Variants in IRF8 observed in about 807,000 individuals in gnomAD.
IRF8 encodes interferon regulatory factor 8.
In IRF8, 14 loss-of-function variants were observed where a neutral mutation model predicts 48.7. The ratio of observed to expected loss-of-function variants is 0.29; its 90% CI spans 0.19 to 0.45. The LOEUF (loss-of-function observed/expected upper bound fraction) is 0.45, where lower values mean the gene tolerates loss of function less well. IRF8 is among the 20% of genes least tolerant of loss of function. IRF8 has a pLI of 1.00. For missense variants in IRF8, 493 were observed against 580.7 expected (o/e 0.85, Z 1.55); for synonymous variants, 278 against 227.3 (o/e 1.22, Z -2.01).
At chr16:85,899,266 C>T (rs889340425) in intron 1 of IRF8, 43 bp downstream of exon 1, 4 of 152,172 alleles carry the variant, frequency 2.6e-5, no homozygotes, top group African/African-American at 9.6e-5. Context: ...CCCGCGCGGT[C>T]CGGTCCCGCG....
chr16:85,914,463 TC>T lies in IRF8; in HGVS notation c.554-9del. On this transcript the variant is annotated splice_polypyrimidine_tract_variant and intron_variant, in intron 5 of 8. Coordinates refer to ENST00000268638, the MANE Select transcript of IRF8 (RefSeq NM_002163.4). ...GTGGCTCTGAGCTTGCTTTTCTGTT[TC>T]TCCTGCAGGCGTGCCGCTGGTGACG... The T allele has an allele frequency of 6.2e-7, 1 of 1,614,114 alleles. No homozygotes were observed. The highest frequency in any genetic ancestry group is 8.5e-7 in the Non-Finnish European group (1 of 1,179,992).
chr16:85,916,971 T>C (rs1905329453), intron 6 of IRF8, among the ~76,000 whole-genome samples: 1 of 152,202 alleles, frequency 6.6e-6, no homozygotes, highest in Admixed American at 6.5e-5. Flanking sequence ...CTTCTGCAGC[T>C]CTAGCTTCCT....
intron 1 of IRF8, among the ~76,000 whole-genome samples, chr16:85,900,596 A>G (rs2152097799): frequency 6.6e-6 from 1 of 152,354 alleles, no homozygotes; most frequent in African/African-American, 2.4e-5. Context: ...CATGTGTGAA[A>G]TAAGCTGCCG....
rs142150561 is a variant in IRF8, at chr16:85,903,836, A to G, written c.174+647A>G. 1.2e-3 allele frequency among the ~76,000 whole-genome samples: 187 copies of G among 152,246 alleles called. 1 individual carries two copies. The highest frequency in any genetic ancestry group is 4.2e-3 in the African/African-American group (175 of 41,512). The stretch of plus-strand genomic sequence containing the variant: ...TAGATGCTGTTCCCACCCTCATTCT[A>G]TAGAGGCACTGAGAGGAGAAGTGAC... On this transcript the variant is annotated intron_variant, in intron 2 of 8. Coordinates refer to ENST00000268638, the MANE Select transcript of IRF8 (RefSeq NM_002163.4).
Position 85,921,271 on chromosome 16 carries a change from A to T in IRF8, c.1270A>T (p.Ile424Phe). Reference sequence around the variant, plus strand: ...ATCATTTTTCAGAGAAAACCAACAGATCACCGTCTAAGTGCGTCGCTTGGG... The same window carrying T: ...ATCATTTTTCAGAGAAAACCAACAGTTCACCGTCTAAGTGCGTCGCTTGGG... The part of the protein sequence containing the change: ...QRSFFRENQQ[I>F]TV Residue 424 changes from isoleucine to phenylalanine, a missense_variant, in exon 9 of 9, where the codon ATC becomes TTC. Ile to Phe is a conservative substitution (Grantham distance 21). This residue lies in a region of IRF8 where 408 missense variants were observed against 449.6 expected (regional missense o/e 0.91). Coordinates refer to ENST00000268638, the MANE Select transcript of IRF8 (RefSeq NM_002163.4). 1 of 1,613,918 alleles carries T rather than the reference A, an allele frequency of 6.2e-7. No homozygotes were observed. The highest frequency in any genetic ancestry group is 8.5e-7 in the Non-Finnish European group (1 of 1,180,030).
chr16:85,910,904 G>A (rs760597724), intron 3 of IRF8, among the ~76,000 whole-genome samples: 5 of 152,236 alleles, frequency 3.3e-5, no homozygotes, highest in African/African-American at 1.2e-4. Context: ...GTTGTGATAC[G>A]TCTCACACTG....
At position 85,918,611 on chromosome 16, in the gene IRF8, G is replaced by T; in HGVS notation, c.796G>T (p.Val266Leu). The part of the protein sequence containing the change: ...DAIPSERQRQ[V>L]TRKLFGHLER... ...CATCCCCAGCGAGCGACAGAGGCAGGTGACGCGGAAGCTGTTCGGGCACCT... is the reference window on the plus strand; with the variant it reads ...CATCCCCAGCGAGCGACAGAGGCAGTTGACGCGGAAGCTGTTCGGGCACCT... Residue 266 changes from valine (V) to leucine (L), a missense_variant, in exon 7 of 9, where the codon GTG becomes TTG. Coordinates refer to ENST00000268638, the MANE Select transcript of IRF8 (RefSeq NM_002163.4). 6.2e-7 allele frequency: 1 copy of T among 1,607,672 alleles called. No individual in the cohort carries two copies.
At chr16:85,899,411 A>T in intron 1 of IRF8, among the ~76,000 whole-genome samples, 188 bp downstream of exon 1, 1 of 152,206 alleles carries the variant, frequency 6.6e-6, no homozygotes, top group East Asian at 1.9e-4. Flanking sequence ...CTGAATGCCC[A>T]AGTCGTTGAT....
At chr16:85,902,910 C>A in intron 1 of IRF8, 105 bp from the exon 2 acceptor site, 1 of 1,262,568 alleles carries the variant, frequency 7.9e-7, no homozygotes, top group Non-Finnish European at 1.2e-6. Context: ...CCCAAGCCAG[C>A]ACCTTTGCTG....
At chr16:85,909,253 T>TGA in intron 3 of IRF8, 80 bp downstream of exon 3, 1 of 1,154,786 alleles carries the variant, frequency 8.7e-7, no homozygotes, top group Non-Finnish European at 1.3e-6. Context: ...GGGTCTGGGG[T>TGA]AGACACAGGG....
At chr16:85,907,221 A>G (rs1248973565) in intron 2 of IRF8, among the ~76,000 whole-genome samples, 1 of 152,234 alleles carries the variant, frequency 6.6e-6, no homozygotes, top group Non-Finnish European at 1.5e-5. Context: ...TTGCATCAAC[A>G]AAGTAGGCAG....
Position 85,911,616 on chromosome 16 carries a change from G to A in IRF8, c.405G>A (p.Glu135=), listed in dbSNP as rs1447494340. The change falls in exon 4 of 9, where the codon GAG becomes GAA. Residue 135 remains glutamate (E), a synonymous_variant. Transcript: ENST00000268638. ...CTGGCTGCGTGAATGAAGTTACAGA[G>A]ATGGAGTGCGGTCGCTCTGAAATCG... ...ATAGCVNEVT[E]MECGRSEIDE... 1 of 1,614,074 alleles carries A rather than the reference G, an allele frequency of 6.2e-7. No individual in the cohort carries two copies. Among genetic ancestry groups the A allele is most frequent in the African/African-American group, 1.3e-5 (1 of 74,946 alleles).
intron 6 of IRF8, 119 bp downstream of exon 6, chr16:85,914,639 T>G: frequency 8.6e-7 from 1 of 1,157,820 alleles, no homozygotes; most frequent in Non-Finnish European, 1.3e-6. Flanking sequence ...AGTCTAGGCC[T>G]GGTTCCAAGG....
chr16:85,909,431 C>T, intron 3 of IRF8: 1 of 504,402 alleles, frequency 2.0e-6, no homozygotes, highest in East Asian at 3.7e-5. Context: ...CCTCCCTGGA[C>T]AGGAACAAGC....
intron 7 of IRF8, among the ~76,000 whole-genome samples, chr16:85,919,855 G>C (rs560733231): frequency 1.0e-4 from 16 of 152,382 alleles, no homozygotes; most frequent in African/African-American, 3.8e-4. Flanking sequence ...TGAGAGATAA[G>C]AGAGAGCACT....
At chr16:85,901,403 G>A (rs1291049942) in intron 1 of IRF8, among the ~76,000 whole-genome samples, 2 of 152,096 alleles carry the variant, frequency 1.3e-5, no homozygotes, top group Non-Finnish European at 2.9e-5. Context: ...GATGTGGGAG[G>A]ATCACTTGAG....
chr16:85,907,692 C>G (rs1323746431), intron 2 of IRF8, among the ~76,000 whole-genome samples: 1 of 152,006 alleles, frequency 6.6e-6, no homozygotes, highest in Non-Finnish European at 1.5e-5. Flanking sequence ...AATAAAAAAA[C>G]TAAAATAAAT....
chr16:85,921,302 C>T lies in IRF8; in HGVS notation c.*20C>T. ...GTCTAAGTGCGTCGCTTGGGCGCCC[C>T]ACCCCGTCTGCGTCCTGCATCCATC... On this transcript the variant is annotated 3_prime_UTR_variant, in exon 9 of 9. Transcript: ENST00000268638. 1 of 1,611,416 alleles carries T rather than the reference C, an allele frequency of 6.2e-7. No individual in the cohort carries two copies. Among genetic ancestry groups the T allele is most frequent in the Non-Finnish European group, 8.5e-7 (1 of 1,179,294 alleles).
intron 1 of IRF8, among the ~76,000 whole-genome samples, chr16:85,900,065 C>T (rs1249374098): frequency 6.6e-6 from 1 of 152,188 alleles, no homozygotes; most frequent in East Asian, 1.9e-4. Context: ...GCAGCTTCCT[C>T]TATGAAAAGA....
Sources: allele counts gnomAD v4.1 joint callset (sites outside exome capture counted in the v4.1 genomes callset), GRCh38; gene constraint gnomAD v4.1.1; regional missense constraint gnomAD v4.1.1; transcripts MANE v1.5; gene names NCBI Gene and HGNC (gene_info 2026-07-23, HGNC 2026-07-21).